The following XYLT1 variants were observed in gnomAD, a reference collection of about 807,000 sequenced individuals.
XYLT1 encodes beta-D-xylosyltransferase 1.
Under a neutral mutation model 91.3 loss-of-function variants are expected in XYLT1, and 36 were observed. The ratio of observed to expected loss-of-function variants is 0.39; its 90% CI spans 0.30 to 0.52. XYLT1 has a LOEUF of 0.52. Among genes scored for constraint, XYLT1 ranks in the 20% least tolerant of loss-of-function variants. The pLI is 0.68. For synonymous variants in XYLT1, 588 were observed against 532.0 expected, an observed-to-expected ratio of 1.11 and a Z score of -1.45; for missense variants, 1,242 against 1,284.5, an observed-to-expected ratio of 0.97 and a Z score of 0.51.
At chr16:17,130,266 A>G (rs1319243663) in intron 9 of XYLT1, among the ~76,000 whole-genome samples, 1 of 152,254 alleles carries the variant, frequency 6.6e-6, no homozygotes, top group Non-Finnish European at 1.5e-5. Context: ...CTTGAGCATT[A>G]CATGAATGCA....
At chr16:17,240,566 A>T (rs534176372) in intron 3 of XYLT1, among the ~76,000 whole-genome samples, 1 of 152,342 alleles carries the variant, frequency 6.6e-6, no homozygotes, top group East Asian at 1.9e-4. Context: ...CAGCAGTGAT[A>T]TTCAGGATGT....
In XYLT1 at chr16:17,404,109, G is replaced by T. The variant is rs28456097; in HGVS notation, c.364-46059C>A. ...TGTGTCTATGTGTGGTTGGGGGGGG[G>T]GCTCAGGGAGGAGGTGTGACAAGCC... On this transcript the variant is annotated intron_variant, in intron 1 of 11. Coordinates refer to ENST00000261381, the MANE Select transcript of XYLT1 (RefSeq NM_022166.4). Among the ~76,000 whole-genome samples the T allele has an allele frequency of 4.1e-4, 63 of 152,124 alleles. No homozygotes were observed. In the South Asian group the frequency reaches 7.9e-3, roughly 19 times the overall value.
At chr16:17,323,963 G>A (rs1266057135) in intron 2 of XYLT1, among the ~76,000 whole-genome samples, 2 of 152,140 alleles carry the variant, frequency 1.3e-5, no homozygotes, top group Non-Finnish European at 2.9e-5. Flanking sequence ...AATGCAACCC[G>A]TATCTACTAA....
Position 17,127,727 on chromosome 16 carries a change from G to A in XYLT1, c.2162C>T (p.Pro721Leu), listed in dbSNP as rs767151460. 3.9e-5 allele frequency: 63 copies of A among 1,613,706 alleles called. No individual in the cohort carries two copies. The highest frequency in any genetic ancestry group is 7.7e-5 in the South Asian group (7 of 91,032). The change falls in exon 10 of 12, where the codon CCG becomes CTG. Residue 721 changes from proline (P) to leucine (L), a missense_variant. This residue lies in a region of XYLT1 where 511 missense variants were observed against 497.0 expected (regional missense o/e 1.03). Coordinates refer to ENST00000261381, the MANE Select transcript of XYLT1 (RefSeq NM_022166.4). The stretch of plus-strand genomic sequence containing the variant: ...GCTTGCGATCTTGAAGACTTTTTTC[G>A]GCATCACCCAGGTCTCCAGAGTCTC... ...KLETLETWVM[P>L]KKVFKIASPP...
intron 2 of XYLT1, among the ~76,000 whole-genome samples, chr16:17,274,814 C>T (rs191346112): frequency 6.6e-6 from 1 of 152,216 alleles, no homozygotes; most frequent in African/African-American, 2.4e-5. Flanking sequence ...AACAACGATC[C>T]CAGCTAACAC....
chr16:17,292,243 A>G (rs12919911), intron 2 of XYLT1, among the ~76,000 whole-genome samples: 15,185 of 152,068 alleles, frequency 0.1, 1,010 homozygotes, highest in Middle Eastern at 0.2. Flanking sequence ...GTTTTATGAG[A>G]GATATGACCT....
At chr16:17,386,274 T>C (rs900263407) in intron 1 of XYLT1, among the ~76,000 whole-genome samples, 1 of 152,164 alleles carries the variant, frequency 6.6e-6, no homozygotes, top group African/African-American at 2.4e-5. Context: ...CCATCCATCT[T>C]CCAGTTCTGA....
At chr16:17,360,110 T>C (rs1182955144) in intron 1 of XYLT1, among the ~76,000 whole-genome samples, 2 of 152,188 alleles carry the variant, frequency 1.3e-5, no homozygotes, top group East Asian at 1.9e-4. Flanking sequence ...AGAAGCTGCA[T>C]CTCAGCCTCA....
chr16:17,379,288 A>T (rs1173091701), intron 1 of XYLT1, among the ~76,000 whole-genome samples: 1 of 152,232 alleles, frequency 6.6e-6, no homozygotes, highest in Non-Finnish European at 1.5e-5. Flanking sequence ...GAAAAGACTC[A>T]GGAGTTCCCA....
rs936389854 is a variant in XYLT1 at position 17,389,941 on chromosome 16, C to T, written c.364-31891G>A. 3.3e-5 allele frequency among the ~76,000 whole-genome samples: 5 copies of T among 152,160 alleles called. No individual in the cohort carries two copies. In the East Asian group the frequency reaches 7.7e-4, roughly 23 times the overall value. On this transcript the variant is annotated intron_variant, in intron 1 of 11. Coordinates refer to ENST00000261381, the MANE Select transcript of XYLT1 (RefSeq NM_022166.4). ...AGAGCCTGAAGTCAGGGAAGGGAAT[C>T]GTGTCAGGTGTGGCTCCTGCAGGAT...
Position 17,109,772 on chromosome 16 carries a change from G to A in XYLT1, c.2558-755C>T, listed in dbSNP as rs141166280. Among the ~76,000 whole-genome samples the A allele has an allele frequency of 3.2e-3, 494 of 152,246 alleles. 3 individuals are homozygous for A. Among genetic ancestry groups the A allele is most frequent in the African/African-American group, 0.011 (471 of 41,532 alleles). On this transcript the variant is annotated intron_variant, in intron 11 of 11. Transcript: ENST00000261381. ...TAGCCCTTTACAGAAAAATTTTGCTGACTCCTGGGTTGGAGAGTGACAGTG... is the reference window on the plus strand; with the variant it reads ...TAGCCCTTTACAGAAAAATTTTGCTAACTCCTGGGTTGGAGAGTGACAGTG...
chr16:17,301,383 C>T (rs192378288), intron 2 of XYLT1, among the ~76,000 whole-genome samples: 1 of 152,256 alleles, frequency 6.6e-6, no homozygotes, highest in East Asian at 1.9e-4. Context: ...GTACTCCAGC[C>T]TGGGCAACAC....
At chr16:17,136,881 G>A (rs1472005885) in intron 8 of XYLT1, among the ~76,000 whole-genome samples, 1 of 152,070 alleles carries the variant, frequency 6.6e-6, no homozygotes, top group African/African-American at 2.4e-5. Context: ...TTGTGCCTGG[G>A]GGAGTGCAGG....
chr16:17,302,398 C>T (rs2034409614), intron 2 of XYLT1, among the ~76,000 whole-genome samples: 1 of 152,162 alleles, frequency 6.6e-6, no homozygotes, highest in South Asian at 2.1e-4. Flanking sequence ...TAGCAAGCTG[C>T]AAAGCCTGCT....
At chr16:17,109,295 C>T (rs1395557302) in intron 11 of XYLT1, among the ~76,000 whole-genome samples, 2 of 152,146 alleles carry the variant, frequency 1.3e-5, no homozygotes, top group African/African-American at 2.4e-5. Flanking sequence ...CTGATTCAGC[C>T]AATATATATT....
chr16:17,189,845 G>A (rs1438304720), intron 5 of XYLT1, among the ~76,000 whole-genome samples: 2 of 152,116 alleles, frequency 1.3e-5, no homozygotes, highest in Admixed American at 1.3e-4. Context: ...TCAGGAGTTC[G>A]AGACCAGACT....
At chr16:17,173,649 C>A (rs948859012) in intron 5 of XYLT1, among the ~76,000 whole-genome samples, 1 of 152,282 alleles carries the variant, frequency 6.6e-6, no homozygotes, top group Non-Finnish European at 1.5e-5. Flanking sequence ...AATTCACAAA[C>A]TCGGACAGAA....
chr16:17,173,508 G>A (rs1007709258), intron 5 of XYLT1, among the ~76,000 whole-genome samples: 1 of 152,212 alleles, frequency 6.6e-6, no homozygotes, highest in African/African-American at 2.4e-5. Flanking sequence ...CCTGTGTTTT[G>A]TGGCTCAAAT....
rs78416438 is a variant in XYLT1, at chr16:17,231,455, G to A, written c.913+27533C>T. On this transcript the variant is annotated intron_variant, in intron 3 of 11. Coordinates refer to ENST00000261381, the MANE Select transcript of XYLT1 (RefSeq NM_022166.4). Reference sequence around the variant, plus strand: ...TTTGCAGCCACATCAGTTGAGCTGTGTGACCTTCATAAATGCCTTCATTTC... The same window carrying A: ...TTTGCAGCCACATCAGTTGAGCTGTATGACCTTCATAAATGCCTTCATTTC... Among the ~76,000 whole-genome samples the A allele has an allele frequency of 7.9e-4, 120 of 152,284 alleles. No homozygotes were observed. In the East Asian group the frequency reaches 0.019, roughly 24 times the overall value.
Sources: gnomAD v4.1 joint callset for allele counts (sites outside exome capture counted in the v4.1 genomes callset) on GRCh38, gnomAD v4.1.1 for gene constraint, gnomAD v4.1.1 regional missense constraint, MANE v1.5 for transcripts, NCBI Gene and HGNC (gene_info 2026-07-23, HGNC 2026-07-21) for gene names.